Variants in ERBB4 observed in about 807,000 individuals in gnomAD.
ERBB4 encodes the protein receptor tyrosine-protein kinase erbB-4.
In ERBB4, 42 loss-of-function variants were observed where a neutral mutation model predicts 158.0. The observed-to-expected ratio is 0.27, with a 90% CI of 0.21 to 0.34. The LOEUF (loss-of-function observed/expected upper bound fraction) is 0.34. ERBB4 is among the 10% of genes least tolerant of loss of function. The pLI is 1.00. For synonymous variants in ERBB4, 583 were observed against 558.7 expected, an observed-to-expected ratio of 1.04 and a Z score of -0.61; for missense variants, 1,333 against 1,624.1, an observed-to-expected ratio of 0.82 and a Z score of 3.08.
chr2:211,861,363 T>TG (rs2078050145), intron 3 of ERBB4, among the ~76,000 whole-genome samples: 9 of 99,790 alleles, frequency 9.0e-5, no homozygotes, highest in East Asian at 2.9e-4. Context: ...TTTTTTTTTT[T>TG]TTTTTTACTT....
chr2:211,450,835 G>A (rs2064228209), intron 20 of ERBB4, among the ~76,000 whole-genome samples: 1 of 152,112 alleles, frequency 6.6e-6, no homozygotes, highest in Non-Finnish European at 1.5e-5. Context: ...ATATAGGCAT[G>A]CTGTTACTTA....
At chr2:212,019,211 G>A (rs1399446306) in intron 2 of ERBB4, among the ~76,000 whole-genome samples, 1 of 152,150 alleles carries the variant, frequency 6.6e-6, no homozygotes, top group African/African-American at 2.4e-5. Context: ...CTTTCAGGAA[G>A]GTCTTAGAAA....
chr2:212,102,090 T>TTTTATATATATATATATATATATATATA (rs1553558604), intron 2 of ERBB4, among the ~76,000 whole-genome samples: 2 of 108,022 alleles, frequency 1.9e-5, no homozygotes, highest in South Asian at 3.5e-4. Context: ...AAAATTTATT[T>TTTTATATATATATATATATATATATATA]TATATATATA....
intron 4 of ERBB4, among the ~76,000 whole-genome samples, chr2:211,761,402 C>G (rs929896630): frequency 8.6e-5 from 13 of 151,850 alleles, no homozygotes; most frequent in African/African-American, 3.1e-4. Context: ...GTTATCTGTC[C>G]TTCTAGTTTC....
intron 1 of ERBB4, among the ~76,000 whole-genome samples, chr2:212,491,083 G>T: frequency 6.6e-6 from 1 of 151,366 alleles, no homozygotes; most frequent in East Asian, 1.9e-4. Context: ...GTGTTTCAAG[G>T]TATTCTAGCA....
chr2:212,406,638 C>T (rs770651350), intron 1 of ERBB4, among the ~76,000 whole-genome samples: 11 of 152,092 alleles, frequency 7.2e-5, no homozygotes, highest in Non-Finnish European at 8.8e-5. Flanking sequence ...ATGAAACATT[C>T]GCCTTTGTTG....
At chr2:211,627,564 G>C (rs1461219029) in intron 17 of ERBB4, among the ~76,000 whole-genome samples, 2 of 152,188 alleles carry the variant, frequency 1.3e-5, no homozygotes, top group East Asian at 3.9e-4. Context: ...TGGGTAAAAA[G>C]AGCTAAAATT....
chr2:212,119,159 C>G (rs979115439), intron 2 of ERBB4, among the ~76,000 whole-genome samples: 3 of 152,052 alleles, frequency 2.0e-5, no homozygotes. Context: ...TTAATGTATA[C>G]TATTTCTAAA....
At chr2:212,031,897 G>A (rs1489597390) in intron 2 of ERBB4, among the ~76,000 whole-genome samples, 7 of 151,982 alleles carry the variant, frequency 4.6e-5, no homozygotes, top group Admixed American at 4.6e-4. Flanking sequence ...AATTTCCCTA[G>A]TCACTAAACT....
intron 1 of ERBB4, among the ~76,000 whole-genome samples, chr2:212,301,667 T>C (rs1040840430): frequency 5.7e-5 from 8 of 140,942 alleles, no homozygotes; most frequent in African/African-American, 2.2e-4. Context: ...ATTCATAGAT[T>C]ACACACCACA....
intron 1 of ERBB4, among the ~76,000 whole-genome samples, chr2:212,142,129 T>G (rs2125607464): frequency 6.6e-6 from 1 of 152,318 alleles, no homozygotes; most frequent in Admixed American, 6.5e-5. Flanking sequence ...TGGATTTATC[T>G]TGTGTACCAG....
chr2:211,914,248 T>A (rs1295329126), intron 3 of ERBB4, among the ~76,000 whole-genome samples: 1 of 151,514 alleles, frequency 6.6e-6, no homozygotes, highest in Non-Finnish European at 1.5e-5. Flanking sequence ...GACTATAACA[T>A]ATTTTTCTTT....
intron 5 of ERBB4, among the ~76,000 whole-genome samples, chr2:211,735,072 A>T (rs567082123): frequency 6.6e-6 from 1 of 152,314 alleles, no homozygotes; most frequent in East Asian, 1.9e-4. Flanking sequence ...TTATGTGCTT[A>T]TGTGTATATG....
intron 1 of ERBB4, among the ~76,000 whole-genome samples, chr2:212,166,681 G>A (rs2081356026): frequency 6.6e-6 from 1 of 152,014 alleles, no homozygotes; most frequent in African/African-American, 2.4e-5. Flanking sequence ...CACGCTACCT[G>A]ACTTCAAACT....
chr2:212,062,048 TTA>T (rs1188966680), intron 2 of ERBB4, among the ~76,000 whole-genome samples: 4 of 152,214 alleles, frequency 2.6e-5, no homozygotes, highest in Non-Finnish European at 5.9e-5. Context: ...ATTGTTTCTT[TTA>T]TACTGTTAAA....
At chr2:211,627,210 T>G (rs2069893260) in intron 17 of ERBB4, among the ~76,000 whole-genome samples, 1 of 152,178 alleles carries the variant, frequency 6.6e-6, no homozygotes, top group Non-Finnish European at 1.5e-5. Flanking sequence ...ACCAACTGCC[T>G]CAAGCTGGCC....
chr2:211,941,037 A>C (rs2080479435), intron 3 of ERBB4, among the ~76,000 whole-genome samples: 1 of 152,072 alleles, frequency 6.6e-6, no homozygotes, highest in African/African-American at 2.4e-5. Context: ...TCCTTTTTCT[A>C]GTCAATACAC....
intron 19 of ERBB4, among the ~76,000 whole-genome samples, chr2:211,597,015 C>T (rs1046549656): frequency 6.6e-6 from 1 of 152,146 alleles, no homozygotes; most frequent in African/African-American, 2.4e-5. Context: ...ATCCACCTGC[C>T]TCCAATTCCC....
At chr2:212,459,465 A>G (rs889262110) in intron 1 of ERBB4, among the ~76,000 whole-genome samples, 2 of 152,202 alleles carry the variant, frequency 1.3e-5, no homozygotes, top group African/African-American at 2.4e-5. Flanking sequence ...AAAATAATGA[A>G]AAGACATACC....
Sources: allele counts gnomAD v4.1 joint callset (sites outside exome capture counted in the v4.1 genomes callset), GRCh38; gene constraint gnomAD v4.1.1; transcripts MANE v1.5; gene names NCBI Gene and HGNC (gene_info 2026-07-23, HGNC 2026-07-21).